The following UGCG variants were observed in gnomAD, a reference collection of about 807,000 sequenced individuals.
UGCG encodes UDP-glucose ceramide glucosyltransferase.
Under a neutral mutation model 49.5 loss-of-function variants are expected in UGCG, and 10 were observed. That is an observed-to-expected ratio of 0.20 (90% CI 0.12 to 0.34). UGCG has a LOEUF of 0.34. UGCG is among the 10% of genes least tolerant of loss of function. The pLI, the probability that UGCG is intolerant of heterozygous loss-of-function variation, is 1.00. For synonymous variants in UGCG, 182 were observed against 158.2 expected, an observed-to-expected ratio of 1.15 and a Z score of -1.13; for missense variants, 312 against 483.7, an observed-to-expected ratio of 0.65 and a Z score of 3.33.
intron 1 of UGCG, among the ~76,000 whole-genome samples, chr9:111,900,787 C>T (rs1837753979): frequency 6.6e-6 from 1 of 152,164 alleles, no homozygotes; most frequent in Admixed American, 6.5e-5. Flanking sequence ...GCCATCATGC[C>T]TGGCCCCCTG....
intron 5 of UGCG, among the ~76,000 whole-genome samples, chr9:111,927,430 T>A (rs1328355480): frequency 6.6e-6 from 1 of 151,542 alleles, no homozygotes; most frequent in Non-Finnish European, 1.5e-5. Context: ...TTACAGGAAG[T>A]TTATGGGGTT....
intron 1 of UGCG, 134 bp from the exon 2 acceptor site, chr9:111,914,471 G>T: frequency 1.2e-6 from 1 of 866,270 alleles, no homozygotes; most frequent in Non-Finnish European, 1.7e-6. Flanking sequence ...TTCATGTTTA[G>T]ATCCTCTTTT....
At chr9:111,913,804 G>A (rs760606388) in intron 1 of UGCG, among the ~76,000 whole-genome samples, 2 of 152,122 alleles carry the variant, frequency 1.3e-5, no homozygotes, top group Admixed American at 6.5e-5. Flanking sequence ...GACAAGCAGT[G>A]AGAACGTTGG....
intron 1 of UGCG, among the ~76,000 whole-genome samples, chr9:111,906,693 T>G (rs1436402440): frequency 5.3e-4 from 81 of 152,210 alleles, no homozygotes; most frequent in African/African-American, 1.9e-3. Context: ...GCCTCCCAAA[T>G]TGGCTGGGAT....
intron 1 of UGCG, among the ~76,000 whole-genome samples, chr9:111,911,329 G>A (rs1480317252): frequency 6.6e-6 from 1 of 151,992 alleles, no homozygotes; most frequent in East Asian, 1.9e-4. Context: ...TGTCCTAACG[G>A]TTCAATTATG....
chr9:111,911,404 T>C (rs983039457), intron 1 of UGCG, among the ~76,000 whole-genome samples: 22 of 152,202 alleles, frequency 1.4e-4, no homozygotes, highest in African/African-American at 5.3e-4. Flanking sequence ...TATGAATATG[T>C]ACATATATAA....
intron 6 of UGCG, among the ~76,000 whole-genome samples, chr9:111,930,187 A>G (rs1361753952): frequency 6.6e-6 from 1 of 152,168 alleles, no homozygotes; most frequent in African/African-American, 2.4e-5. Context: ...TGAAGAAGGT[A>G]AATGTTCTGA....
At chr9:111,897,550 A>G (rs1165169423) in intron 1 of UGCG, among the ~76,000 whole-genome samples, 2 of 152,188 alleles carry the variant, frequency 1.3e-5, no homozygotes, top group Non-Finnish European at 2.9e-5. Context: ...CTGCCCAGCC[A>G]GGCTAAAGGA....
intron 1 of UGCG, among the ~76,000 whole-genome samples, chr9:111,908,678 A>G (rs998881032): frequency 9.8e-5 from 15 of 152,376 alleles, no homozygotes; most frequent in Admixed American, 8.5e-4. Context: ...GAACCTAGAA[A>G]GCAAGTCGTC....
At chr9:111,916,802 AT>A (rs1348334543) in intron 2 of UGCG, among the ~76,000 whole-genome samples, 1 of 151,812 alleles carries the variant, frequency 6.6e-6, no homozygotes, top group African/African-American at 2.4e-5. Context: ...GGTTATATGT[AT>A]CCATTGATTA....
intron 2 of UGCG, among the ~76,000 whole-genome samples, chr9:111,917,022 G>T (rs1838125169): frequency 6.6e-6 from 1 of 151,846 alleles, no homozygotes; most frequent in African/African-American, 2.4e-5. Flanking sequence ...AAATTGTTTT[G>T]GAAATTACAG....
intron 1 of UGCG, among the ~76,000 whole-genome samples, chr9:111,906,028 G>A (rs1238336483): frequency 6.6e-6 from 1 of 152,144 alleles, no homozygotes; most frequent in East Asian, 1.9e-4. Flanking sequence ...TTCTCCAGTT[G>A]TAGTTTACTG....
chr9:111,927,831 G>T lies in UGCG; in HGVS notation c.558+1335G>T, dbSNP rs796561955. Among the ~76,000 whole-genome samples the T allele has an allele frequency of 1.1e-4, 17 of 152,146 alleles. 1 individual carries two copies. The highest frequency in any genetic ancestry group is 3.9e-4 in the African/African-American group (16 of 41,506). ...TATTTCCCCCACCACCCCCTTCTGG[G>T]CCCTTTAGAAAACATTGTTGAGATA... On this transcript the variant is annotated intron_variant, in intron 5 of 8. Transcript: ENST00000374279.
At chr9:111,898,484 A>G (rs1247801698) in intron 1 of UGCG, among the ~76,000 whole-genome samples, 1 of 151,518 alleles carries the variant, frequency 6.6e-6, no homozygotes, top group Non-Finnish European at 1.5e-5. Context: ...ATTTCCTGGT[A>G]CTGAGAAAGA....
intron 2 of UGCG, 76 bp downstream of exon 2, chr9:111,914,822 A>G: frequency 6.4e-7 from 1 of 1,573,344 alleles, no homozygotes; most frequent in Non-Finnish European, 8.6e-7. Context: ...TAGGGATTTT[A>G]ACACTGTATA....
intron 5 of UGCG, 25 bp downstream of exon 5, chr9:111,926,521 G>A (rs1838314871): frequency 6.4e-7 from 1 of 1,558,304 alleles, no homozygotes. Context: ...TATAAATCAT[G>A]TTCATAGTAT....
intron 6 of UGCG, 142 bp downstream of exon 6, chr9:111,929,820 T>C: frequency 1.0e-6 from 1 of 1,002,042 alleles, no homozygotes; most frequent in Non-Finnish European, 1.4e-6. Context: ...AATAATTTTA[T>C]TATTTTGTTT....
intron 1 of UGCG, among the ~76,000 whole-genome samples, chr9:111,902,111 C>T (rs1208195951): frequency 6.6e-6 from 1 of 152,168 alleles, no homozygotes; most frequent in African/African-American, 2.4e-5. Context: ...TCTTTCTCTT[C>T]CTTCTTTCCT....
Position 111,924,781 on chromosome 9 carries a change from CA to C in UGCG, c.354del (p.Val119LeufsTer10). The C allele has an allele frequency of 6.6e-7, 1 of 1,516,730 alleles. No individual in the cohort carries two copies. Among genetic ancestry groups the C allele is most frequent in the Non-Finnish European group, 8.8e-7 (1 of 1,138,520 alleles). The allele number at this position is 1,516,730 out of a possible 1,614,324, so 94.0% of individuals were successfully genotyped here. Reference sequence around the variant, plus strand: ...ACTGTACCTTTACATTTTTAGGTGGCAAAAAAGTTGGCATTAATCCTAAAAT... The same window carrying C: ...ACTGTACCTTTACATTTTTAGGTGGCAAAAAGTTGGCATTAATCCTAAAAT... ...NVDARLFIGGKKVGINPKINN... is the reference protein window; with the variant it reads ...NVDARLFIGGXKVGINPKINN... On this transcript the variant is annotated frameshift_variant, in exon 4 of 9. Coordinates refer to ENST00000374279, the MANE Select transcript of UGCG (RefSeq NM_003358.3). LOFTEE classifies it high-confidence loss of function.
Sources: allele counts gnomAD v4.1 joint callset (sites outside exome capture counted in the v4.1 genomes callset), GRCh38; gene constraint gnomAD v4.1.1; transcripts MANE v1.5; gene names NCBI Gene and HGNC (gene_info 2026-07-23, HGNC 2026-07-21).